DOCK2: variants seen among roughly 807,000 people sequenced by gnomAD.
DOCK2 encodes dedicator of cytokinesis protein 2.
Under a neutral mutation model 248.9 loss-of-function variants are expected in DOCK2, and 87 were observed. The observed-to-expected ratio is 0.35, with a 90% CI of 0.29 to 0.42. DOCK2 has a LOEUF of 0.42. Ranked by LOEUF, DOCK2 falls within the 10% of genes least tolerant of loss-of-function variation. The pLI, the probability that DOCK2 is intolerant of heterozygous loss-of-function variation, is 1.00. For synonymous variants in DOCK2, 805 were observed against 821.6 expected (o/e 0.98, Z 0.35); for missense variants, 1,747 against 2,300.2 (o/e 0.76, Z 4.92).
intron 25 of DOCK2, among the ~76,000 whole-genome samples, chr5:169,781,408 C>G (rs1189340831): frequency 6.6e-6 from 1 of 152,198 alleles, no homozygotes; most frequent in Non-Finnish European, 1.5e-5. Context: ...CTTGGACAAA[C>G]CACTTAACCT....
At chr5:169,713,852 C>T (rs867264277) in intron 17 of DOCK2, among the ~76,000 whole-genome samples, 176 bp from the exon 18 acceptor site, 1 of 152,262 alleles carries the variant, frequency 6.6e-6, no homozygotes, top group Non-Finnish European at 1.5e-5. Flanking sequence ...GAATTCTTAC[C>T]TGTATTGTGG....
chr5:169,882,131 C>T (rs1772690518), intron 27 of DOCK2, among the ~76,000 whole-genome samples: 1 of 152,146 alleles, frequency 6.6e-6, no homozygotes, highest in African/African-American at 2.4e-5. Flanking sequence ...GTGGCCATCT[C>T]AAGTCCTTTG....
intron 27 of DOCK2, among the ~76,000 whole-genome samples, chr5:169,932,357 A>C (rs1183052040): frequency 3.9e-5 from 6 of 152,178 alleles, no homozygotes; most frequent in Admixed American, 2.6e-4. Context: ...TACCCGCTGC[A>C]GAGTAGTTGA....
At chr5:169,668,168 T>C (rs1758837921) in intron 2 of DOCK2, among the ~76,000 whole-genome samples, 1 of 152,242 alleles carries the variant, frequency 6.6e-6, no homozygotes, top group Non-Finnish European at 1.5e-5. Context: ...CCGTTCCTAC[T>C]TCATGCGGTT....
intron 27 of DOCK2, among the ~76,000 whole-genome samples, chr5:169,942,313 C>T (rs1776274347): frequency 6.6e-6 from 1 of 152,134 alleles, no homozygotes; most frequent in South Asian, 2.1e-4. Flanking sequence ...TGAAGTGGAT[C>T]CATGCCTCTC....
intron 26 of DOCK2, among the ~76,000 whole-genome samples, chr5:169,826,964 G>A (rs1168000422): frequency 6.6e-6 from 1 of 151,906 alleles, no homozygotes; most frequent in Non-Finnish European, 1.5e-5. Context: ...TAAAAGCAGG[G>A]GCTAGATTTT....
chr5:169,925,180 A>G (rs1268924024), intron 27 of DOCK2, among the ~76,000 whole-genome samples: 1 of 152,182 alleles, frequency 6.6e-6, no homozygotes, highest in East Asian at 1.9e-4. Flanking sequence ...GGGACTCTGT[A>G]GTAGGGAGCT....
chr5:169,859,024 TA>T (rs971263196), intron 27 of DOCK2, among the ~76,000 whole-genome samples: 29 of 151,984 alleles, frequency 1.9e-4, no homozygotes, highest in African/African-American at 6.8e-4. Context: ...AAAATATATT[TA>T]AAAAATAAGT....
At chr5:169,783,401 G>GA (rs1165602004) in intron 25 of DOCK2, among the ~76,000 whole-genome samples, 3 of 152,232 alleles carry the variant, frequency 2.0e-5, no homozygotes, top group Non-Finnish European at 4.4e-5. Context: ...GGTGACTTTG[G>GA]AAAAGTCATG....
intron 23 of DOCK2, among the ~76,000 whole-genome samples, chr5:169,748,867 T>C (rs1423323997): frequency 6.6e-6 from 1 of 152,270 alleles, no homozygotes; most frequent in Non-Finnish European, 1.5e-5. Context: ...TATTACTTTA[T>C]TTCACCCTCT....
rs1449428573 is a variant in DOCK2, at chr5:169,905,165, GAC to G, written c.2799+64317_2799+64318del. On this transcript the variant is annotated intron_variant, in intron 27 of 51. Coordinates refer to ENST00000520908, the MANE Select transcript of DOCK2 (RefSeq NM_004946.3). ...TTGCAAACTCACATGGCTTCAGGGT[GAC>G]ACAAGTGGGTGAAGCCAGCTGGGAG... Among the ~76,000 whole-genome samples the G allele has an allele frequency of 5.3e-5, 8 of 152,286 alleles. No individual in the cohort carries two copies. The East Asian group carries it at 1.5e-3, about 29-fold the overall frequency.
At chr5:170,056,478 C>T (rs1757135119) in intron 42 of DOCK2, 2 of 520,426 alleles carry the variant, frequency 3.8e-6, no homozygotes, top group Non-Finnish European at 6.9e-6. Flanking sequence ...GACCAGTCTA[C>T]CTTCTAAATT....
chr5:170,067,795 C>T (rs1376875740), intron 45 of DOCK2, 109 bp downstream of exon 45: 4 of 1,287,634 alleles, frequency 3.1e-6, no homozygotes, highest in Admixed American at 4.4e-5. Flanking sequence ...TTTGACTGTC[C>T]TTGTCCCCAG....
chr5:170,042,008 C>A lies in DOCK2; in HGVS notation c.3757-5C>A. ...TGTGTGACTTCCTGTGTCTTCTCTT[C>A]ACAGTGGTCGGATGAGCAGTGTGCA... On this transcript the variant is annotated splice_region_variant and splice_polypyrimidine_tract_variant and intron_variant, in intron 37 of 51. Coordinates refer to ENST00000520908, the MANE Select transcript of DOCK2 (RefSeq NM_004946.3). 6.2e-7 allele frequency: 1 copy of A among 1,613,020 alleles called. No individual in the cohort carries two copies. Among genetic ancestry groups the A allele is most frequent in the South Asian group, 1.1e-5 (1 of 90,992 alleles).
At chr5:169,768,961 C>T (rs746369639) in intron 25 of DOCK2, among the ~76,000 whole-genome samples, 2 of 152,202 alleles carry the variant, frequency 1.3e-5, no homozygotes, top group South Asian at 2.1e-4. Context: ...TGCAGTAAGT[C>T]CTCCCTGATG....
chr5:169,752,507 G>A (rs1485678549), intron 23 of DOCK2, among the ~76,000 whole-genome samples: 1 of 152,028 alleles, frequency 6.6e-6, no homozygotes, highest in Non-Finnish European at 1.5e-5. Context: ...AGGAGGCTGA[G>A]GTGAGAGGAT....
intron 28 of DOCK2, among the ~76,000 whole-genome samples, chr5:169,983,618 C>G (rs6873253): frequency 2.0e-5 from 3 of 152,102 alleles, no homozygotes; most frequent in Non-Finnish European, 4.4e-5. Flanking sequence ...ACCATCTGCC[C>G]GTGGCCTGTG....
intron 25 of DOCK2, among the ~76,000 whole-genome samples, chr5:169,795,325 T>G (rs571812904): frequency 5.6e-4 from 86 of 152,272 alleles, no homozygotes; most frequent in African/African-American, 1.8e-3. Context: ...GGTGCTGAGT[T>G]CTAACATTTC....
Position 169,803,335 on chromosome 5 carries a change from C to T in DOCK2, c.2703+129C>T, listed in dbSNP as rs370783197. 481 of 1,238,880 alleles carry T rather than the reference C, an allele frequency of 3.9e-4. 4 individuals carry two copies. The South Asian group carries it at 7.3e-3, about 19-fold the overall frequency. The allele number at this position is 1,238,880 out of a possible 1,614,324, so 76.7% of individuals were successfully genotyped here. A position where few individuals can be genotyped will look rare whatever the true frequency, so the allele number is the denominator to read the frequency against. The stretch of plus-strand genomic sequence containing the variant: ...AAAAGTCAACGGCTTGCTCAGCAGG[C>T]CTACTTTTCCTGTGACTAACCCCCA... On this transcript the variant is annotated intron_variant, in intron 26 of 51. Coordinates refer to ENST00000520908, the MANE Select transcript of DOCK2 (RefSeq NM_004946.3).
Sources: gnomAD v4.1 joint callset for allele counts (sites outside exome capture counted in the v4.1 genomes callset) on GRCh38, gnomAD v4.1.1 for gene constraint, MANE v1.5 for transcripts, NCBI Gene and HGNC (gene_info 2026-07-23, HGNC 2026-07-21) for gene names.